HPSE2: variants seen among roughly 807,000 people sequenced by gnomAD.
The protein encoded by HPSE2 is inactive heparanase-2.
Under a neutral mutation model 60.5 loss-of-function variants are expected in HPSE2, and 38 were observed. That is an observed-to-expected ratio of 0.63 (90% CI 0.48 to 0.82). HPSE2 has a LOEUF of 0.82. HPSE2 is among the 40% of genes least tolerant of loss of function. HPSE2 has a pLI of 0.00. For missense variants in HPSE2, 713 were observed against 740.4 expected (o/e 0.96, Z 0.43); for synonymous variants, 295 against 293.2 (o/e 1.01, Z -0.06).
chr10:99,086,505 A>T (rs1423098869), intron 3 of HPSE2, among the ~76,000 whole-genome samples: 1 of 150,158 alleles, frequency 6.7e-6, no homozygotes, highest in African/African-American at 2.4e-5. Flanking sequence ...GGCGCCCGCC[A>T]CTACGCCCGG....
chr10:99,054,381 G>C (rs140324307), intron 3 of HPSE2, among the ~76,000 whole-genome samples: 40 of 152,236 alleles, frequency 2.6e-4, no homozygotes, highest in African/African-American at 9.1e-4. Context: ...GCATTCAGTT[G>C]AGACATCAAA....
chr10:99,183,963 A>T (rs1293676986), intron 2 of HPSE2, among the ~76,000 whole-genome samples: 2 of 152,070 alleles, frequency 1.3e-5, no homozygotes, highest in Non-Finnish European at 2.9e-5. Context: ...GTTTTTTACC[A>T]CTCTAACAAA....
At chr10:99,136,864 C>G (rs1845677840) in intron 3 of HPSE2, among the ~76,000 whole-genome samples, 1 of 152,138 alleles carries the variant, frequency 6.6e-6, no homozygotes, top group African/African-American at 2.4e-5. Context: ...CACTCCTACT[C>G]AACATACTAT....
At chr10:98,579,820 C>G (rs115355389) in intron 9 of HPSE2, among the ~76,000 whole-genome samples, 1 of 152,170 alleles carries the variant, frequency 6.6e-6, no homozygotes, top group East Asian at 1.9e-4. Context: ...CTTGAACTCC[C>G]ATGCCTTTAT....
the HPSE2 span, among the ~76,000 whole-genome samples, chr10:99,270,062 C>T: frequency 1.3e-5 from 2 of 152,218 alleles, no homozygotes; most frequent in East Asian, 3.9e-4. Flanking sequence ...CTTAAGGTCA[C>T]ATCTCAAGGA....
chr10:98,700,032 A>G (rs1050604965), intron 5 of HPSE2, among the ~76,000 whole-genome samples: 40 of 151,792 alleles, frequency 2.6e-4, no homozygotes, highest in Non-Finnish European at 4.7e-4. Flanking sequence ...GCTCATGGGT[A>G]GGAAGAATCG....
rs1037901407 is a variant in HPSE2 at position 99,078,856 on chromosome 10, T to G, written c.610+65382A>C. Among the ~76,000 whole-genome samples the G allele has an allele frequency of 9.2e-5, 14 of 152,348 alleles. No homozygotes were observed. The East Asian group carries it at 2.5e-3, about 27-fold the overall frequency. On this transcript the variant is annotated intron_variant, in intron 3 of 11. Coordinates refer to ENST00000370552, the MANE Select transcript of HPSE2 (RefSeq NM_021828.5). ...CTTCAATCAGCCTAGCTAGAAATTC[T>G]GGGGACTTTTCAAACCTGTGTCCTG...
At chr10:99,204,147 C>T (rs1395041902) in intron 2 of HPSE2, among the ~76,000 whole-genome samples, 1 of 152,152 alleles carries the variant, frequency 6.6e-6, no homozygotes, top group East Asian at 1.9e-4. Flanking sequence ...TGGACCCAGA[C>T]TTCAGGCTGA....
At chr10:98,917,331 T>A (rs186882668) in intron 3 of HPSE2, among the ~76,000 whole-genome samples, 199 of 152,306 alleles carry the variant, frequency 1.3e-3, no homozygotes, top group Non-Finnish European at 2.5e-3. Flanking sequence ...ATTCCAGAAT[T>A]GTATTTTGTA....
chr10:99,131,397 C>T (rs1309275703), intron 3 of HPSE2, among the ~76,000 whole-genome samples: 3 of 152,182 alleles, frequency 2.0e-5, no homozygotes, highest in African/African-American at 7.2e-5. Flanking sequence ...CATTTTATAG[C>T]AGCACAATTT....
At chr10:99,217,938 GA>G (rs1849188843) in intron 2 of HPSE2, among the ~76,000 whole-genome samples, 2 of 152,022 alleles carry the variant, frequency 1.3e-5, no homozygotes, top group African/African-American at 4.8e-5. Context: ...CTAGAGTTGG[GA>G]ACCACTGATT....
chr10:98,923,012 T>C lies in HPSE2; in HGVS notation c.611-178956A>G, dbSNP rs140916105. On this transcript the variant is annotated intron_variant, in intron 3 of 11. Coordinates refer to ENST00000370552, the MANE Select transcript of HPSE2 (RefSeq NM_021828.5). The stretch of plus-strand genomic sequence containing the variant: ...TAATGAGTTTTATATCTTCAGATGA[T>C]ATCTTGTTGCTCAATAACATCATTT... Among the ~76,000 whole-genome samples the C allele has an allele frequency of 5.4e-3, 818 of 152,360 alleles. 11 individuals are homozygous for C. Among genetic ancestry groups the C allele is most frequent in the African/African-American group, 0.019 (772 of 41,592 alleles).
At chr10:98,831,521 C>A (rs904059785) in intron 3 of HPSE2, among the ~76,000 whole-genome samples, 1 of 152,208 alleles carries the variant, frequency 6.6e-6, no homozygotes, top group East Asian at 1.9e-4. Context: ...AAGTAATACA[C>A]TGATAGTGTA....
intron 11 of HPSE2, among the ~76,000 whole-genome samples, chr10:98,463,563 A>C (rs1940398080): frequency 6.6e-6 from 1 of 152,216 alleles, no homozygotes; most frequent in South Asian, 2.1e-4. Context: ...GCACTTTGGG[A>C]GGCTGAGGCA....
chr10:99,069,099 C>T (rs1316138867), intron 3 of HPSE2, among the ~76,000 whole-genome samples: 2 of 152,060 alleles, frequency 1.3e-5, no homozygotes, highest in South Asian at 2.1e-4. Context: ...GGGAATACTT[C>T]CCAACTCATT....
chr10:98,795,007 GGA>G (rs1251986688), intron 3 of HPSE2, among the ~76,000 whole-genome samples: 1 of 114,874 alleles, frequency 8.7e-6, no homozygotes, highest in East Asian at 2.7e-4. Context: ...GAGGGAGGAA[GGA>G]GAGAGAGAGA....
chr10:98,538,938 A>G (rs1234750257), intron 9 of HPSE2, among the ~76,000 whole-genome samples: 1 of 152,188 alleles, frequency 6.6e-6, no homozygotes, highest in Non-Finnish European at 1.5e-5. Context: ...ATTCATGTGT[A>G]TTGTCAAGTA....
intron 9 of HPSE2, among the ~76,000 whole-genome samples, chr10:98,494,046 T>C (rs1268594231): frequency 6.6e-6 from 1 of 152,244 alleles, no homozygotes; most frequent in Non-Finnish European, 1.5e-5. Context: ...TTTAACAACA[T>C]ACAAAAACTC....
At chr10:98,795,017 A>AGG (rs1565167810) in intron 3 of HPSE2, among the ~76,000 whole-genome samples, 6 of 137,876 alleles carry the variant, frequency 4.4e-5, no homozygotes, top group Admixed American at 2.2e-4. Flanking sequence ...GGAGAGAGAG[A>AGG]GAGAAGGAAG....
Sources: allele counts gnomAD v4.1 joint callset (sites outside exome capture counted in the v4.1 genomes callset), GRCh38; gene constraint gnomAD v4.1.1; transcripts MANE v1.5; gene names NCBI Gene and HGNC (gene_info 2026-07-23, HGNC 2026-07-21).